Variants in ZSWIM6 observed in about 807,000 individuals in gnomAD.
ZSWIM6 encodes the protein zinc finger SWIM-type containing 6.
Under a neutral mutation model 113.2 loss-of-function variants are expected in ZSWIM6, and 9 were observed. The ratio of observed to expected loss-of-function variants is 0.08; its 90% CI spans 0.05 to 0.14. ZSWIM6 has a LOEUF of 0.14. ZSWIM6 is among the 10% of genes least tolerant of loss of function. ZSWIM6 has a pLI of 1.00. For synonymous variants in ZSWIM6, 611 were observed against 606.5 expected, an observed-to-expected ratio of 1.01 and a Z score of -0.11; for missense variants, 1,162 against 1,552.2, an observed-to-expected ratio of 0.75 and a Z score of 4.22.
At chr5:61,417,855 T>G (rs1033771667) in intron 1 of ZSWIM6, among the ~76,000 whole-genome samples, 4 of 152,240 alleles carry the variant, frequency 2.6e-5, no homozygotes, top group African/African-American at 9.6e-5. Flanking sequence ...ATAAGCAAAC[T>G]GTGTGGTTTT....
intron 1 of ZSWIM6, among the ~76,000 whole-genome samples, chr5:61,347,921 TA>T (rs1001539384): frequency 1.3e-5 from 2 of 151,852 alleles, no homozygotes; most frequent in African/African-American, 2.4e-5. Flanking sequence ...CTTTTTGAAT[TA>T]AAAAAAAGCA....
intron 1 of ZSWIM6, among the ~76,000 whole-genome samples, chr5:61,333,777 C>T (rs1023967113): frequency 5.3e-5 from 8 of 152,078 alleles, no homozygotes; most frequent in African/African-American, 1.7e-4. Flanking sequence ...CTCCAGACAC[C>T]CCTGTGCGGG....
chr5:61,527,627 T>C (rs1275597342), intron 7 of ZSWIM6, among the ~76,000 whole-genome samples: 1 of 152,190 alleles, frequency 6.6e-6, no homozygotes, highest in Non-Finnish European at 1.5e-5. Flanking sequence ...GGAAAATTTT[T>C]CTGAAATCCT....
chr5:61,337,882 CTA>C (rs1744436857), intron 1 of ZSWIM6, among the ~76,000 whole-genome samples: 1 of 151,928 alleles, frequency 6.6e-6, no homozygotes, highest in African/African-American at 2.4e-5. Context: ...TTTCTTAAAA[CTA>C]GAGGCATATA....
chr5:61,518,739 G>T (rs1749032345), intron 4 of ZSWIM6, among the ~76,000 whole-genome samples: 1 of 152,004 alleles, frequency 6.6e-6, no homozygotes, highest in East Asian at 1.9e-4. Flanking sequence ...TTTGTAGGTT[G>T]CCTGTTCACT....
chr5:61,502,926 T>G (rs1227976819), intron 4 of ZSWIM6, among the ~76,000 whole-genome samples: 1 of 152,006 alleles, frequency 6.6e-6, no homozygotes, highest in African/African-American at 2.4e-5. Context: ...CCAGTACTCA[T>G]ACGTGGAAAA....
chr5:61,408,431 T>G lies in ZSWIM6; in HGVS notation c.677-64250T>G, dbSNP rs530185537. ...TAAAAAAGCTTTAAAATACGTTGTTTTAATAAAATGTTTTAATTTCTTTGC... is the reference window on the plus strand; with the variant it reads ...TAAAAAAGCTTTAAAATACGTTGTTGTAATAAAATGTTTTAATTTCTTTGC... On this transcript the variant is annotated intron_variant, in intron 1 of 13. Transcript: ENST00000252744. Among the ~76,000 whole-genome samples, 3 of 152,372 alleles carry G rather than the reference T, an allele frequency of 2.0e-5. No homozygotes were observed. In the South Asian group the frequency reaches 6.2e-4, roughly 32 times the overall value.
At chr5:61,502,431 CAG>C (rs1206538022) in intron 4 of ZSWIM6, among the ~76,000 whole-genome samples, 18 of 152,116 alleles carry the variant, frequency 1.2e-4, no homozygotes, top group Non-Finnish European at 2.5e-4. Context: ...GGTTTGGGGT[CAG>C]GGGGAAGCGA....
At chr5:61,474,730 T>C (rs376115752) in intron 2 of ZSWIM6, among the ~76,000 whole-genome samples, 49 of 152,300 alleles carry the variant, frequency 3.2e-4, no homozygotes, top group African/African-American at 1.2e-3. Flanking sequence ...GCTATTTATT[T>C]GTCCTTGTTC....
At chr5:61,446,620 G>C (rs1746958749) in intron 1 of ZSWIM6, among the ~76,000 whole-genome samples, 1 of 151,960 alleles carries the variant, frequency 6.6e-6, no homozygotes, top group Admixed American at 6.6e-5. Flanking sequence ...ATAAAACCCA[G>C]ACAAAAATAT....
chr5:61,344,577 A>G (rs1468410053), intron 1 of ZSWIM6, among the ~76,000 whole-genome samples: 1 of 152,102 alleles, frequency 6.6e-6, no homozygotes, highest in East Asian at 1.9e-4. Context: ...TGTGGTAGAA[A>G]AGAAGACAAA....
At chr5:61,432,349 AAAAG>A (rs1746602950) in intron 1 of ZSWIM6, among the ~76,000 whole-genome samples, 1 of 152,238 alleles carries the variant, frequency 6.6e-6, no homozygotes, top group Non-Finnish European at 1.5e-5. Context: ...TAAGAGTGTT[AAAAG>A]AAAGAGAGAA....
At chr5:61,469,363 T>C (rs1211137523) in intron 1 of ZSWIM6, among the ~76,000 whole-genome samples, 1 of 152,200 alleles carries the variant, frequency 6.6e-6, no homozygotes, top group Non-Finnish European at 1.5e-5. Flanking sequence ...ACTTGGAAAA[T>C]GAACATTCAT....
At position 61,530,108 on chromosome 5, in the gene ZSWIM6, C is replaced by A; in HGVS notation, c.1894C>A (p.Pro632Thr). The change falls in exon 8 of 14, where the codon CCC becomes ACC. Residue 632 changes from proline to threonine, a missense_variant. Pro to Thr is a conservative substitution (Grantham distance 38). Transcript: ENST00000252744. ...CAATCTGGAGGGCTGGGTTGGACATCCCCTGGACCCTGTGGGCACTCTCTT... is the reference window on the plus strand; with the variant it reads ...CAATCTGGAGGGCTGGGTTGGACATACCCTGGACCCTGTGGGCACTCTCTT... ...ITNLEGWVGH[P>T]LDPVGTLFSS... 6.4e-7 allele frequency: 1 copy of A among 1,551,684 alleles called. No homozygotes were observed. Among genetic ancestry groups the A allele is most frequent in the Non-Finnish European group, 8.7e-7 (1 of 1,146,924 alleles).
At chr5:61,526,017 C>A (rs1276822154) in intron 6 of ZSWIM6, 41 bp downstream of exon 6, 1 of 1,547,376 alleles carries the variant, frequency 6.5e-7, no homozygotes. Flanking sequence ...TGACTTACTT[C>A]TTTGTTTAGT....
At chr5:61,400,506 T>C (rs1278448699) in intron 1 of ZSWIM6, among the ~76,000 whole-genome samples, 1 of 152,222 alleles carries the variant, frequency 6.6e-6, no homozygotes, top group Non-Finnish European at 1.5e-5. Context: ...AAGTTGATTT[T>C]TTGTTATTGG....
chr5:61,541,824 C>G (rs879351157), intron 12 of ZSWIM6, 60 bp from the exon 13 acceptor site: 232 of 1,391,684 alleles, frequency 1.7e-4, no homozygotes, highest in Admixed American at 1.1e-3. Context: ...TTATCCCCCC[C>G]CTTTTTTTTC....
chr5:61,479,971 C>G (rs1385652484), intron 2 of ZSWIM6, among the ~76,000 whole-genome samples: 2 of 151,842 alleles, frequency 1.3e-5, no homozygotes, highest in Non-Finnish European at 2.9e-5. Context: ...TTAAAGCCTG[C>G]AAACATAGTT....
At chr5:61,376,470 C>A (rs1053008529) in intron 1 of ZSWIM6, among the ~76,000 whole-genome samples, 1 of 147,922 alleles carries the variant, frequency 6.8e-6, no homozygotes, top group Non-Finnish European at 1.5e-5. Context: ...GCAGTCTTGC[C>A]CTTTACTGAG....
Sources: gnomAD v4.1 joint callset for allele counts (sites outside exome capture counted in the v4.1 genomes callset) on GRCh38, gnomAD v4.1.1 for gene constraint, MANE v1.5 for transcripts, NCBI Gene and HGNC (gene_info 2026-07-23, HGNC 2026-07-21) for gene names.